The following KCND2 variants were observed in gnomAD, a reference collection of about 807,000 sequenced individuals.
KCND2 encodes potassium voltage-gated channel subfamily D member 2.
Under a neutral mutation model 54.4 loss-of-function variants are expected in KCND2, and 16 were observed. The ratio of observed to expected loss-of-function variants is 0.29; its 90% CI spans 0.20 to 0.45. The LOEUF (loss-of-function observed/expected upper bound fraction) is 0.45. KCND2 is among the 20% of genes least tolerant of loss of function. KCND2 has a pLI of 1.00. For synonymous variants in KCND2, 317 were observed against 310.7 expected (o/e 1.02, Z -0.21); for missense variants, 486 against 824.2 (o/e 0.59, Z 5.02).
chr7:120,421,338 G>A (rs924024032), intron 1 of KCND2, among the ~76,000 whole-genome samples: 2 of 152,150 alleles, frequency 1.3e-5, no homozygotes, highest in Non-Finnish European at 2.9e-5. Context: ...GAAAGGTCAG[G>A]CAATTTACCT....
At chr7:120,632,347 A>C (rs1793244003) in intron 1 of KCND2, among the ~76,000 whole-genome samples, 3 of 152,208 alleles carry the variant, frequency 2.0e-5, no homozygotes, top group African/African-American at 4.8e-5. Context: ...AACACCTTGC[A>C]TCTGAGAAAT....
intron 1 of KCND2, among the ~76,000 whole-genome samples, chr7:120,732,205 T>C (rs1369883858): frequency 6.6e-6 from 1 of 151,886 alleles, no homozygotes; most frequent in Non-Finnish European, 1.5e-5. Flanking sequence ...TACTCTAAGG[T>C]TTAGAAATCA....
intron 1 of KCND2, among the ~76,000 whole-genome samples, chr7:120,649,539 CT>C (rs1213508890): frequency 6.6e-6 from 1 of 152,158 alleles, no homozygotes; most frequent in Non-Finnish European, 1.5e-5. Flanking sequence ...TCCCATTTGT[CT>C]TTTGGCTGCA....
chr7:120,477,500 A>G (rs987037043), intron 1 of KCND2, among the ~76,000 whole-genome samples: 2 of 152,166 alleles, frequency 1.3e-5, no homozygotes, highest in Non-Finnish European at 2.9e-5. Flanking sequence ...TACAAAATCT[A>G]TTGTAAAAAA....
At chr7:120,397,993 GTGTA>G (rs1339054970) in intron 1 of KCND2, among the ~76,000 whole-genome samples, 70 of 39,970 alleles carry the variant, frequency 1.8e-3, no homozygotes, top group African/African-American at 3.1e-3. Flanking sequence ...GTGTGTGTGT[GTGTA>G]TATATATATA....
chr7:120,322,470 G>A (rs999294582), intron 1 of KCND2, among the ~76,000 whole-genome samples: 3 of 152,100 alleles, frequency 2.0e-5, no homozygotes, highest in Non-Finnish European at 4.4e-5. Context: ...TATAGCATAA[G>A]TTAAAGTTTA....
At chr7:120,726,029 G>C (rs1474581156) in intron 1 of KCND2, among the ~76,000 whole-genome samples, 1 of 152,100 alleles carries the variant, frequency 6.6e-6, no homozygotes, top group African/African-American at 2.4e-5. Flanking sequence ...AGTGGAAACA[G>C]TTTTTTTAAA....
chr7:120,673,764 A>G (rs1186938765), intron 1 of KCND2, among the ~76,000 whole-genome samples: 1 of 152,136 alleles, frequency 6.6e-6, no homozygotes, highest in East Asian at 1.9e-4. Flanking sequence ...AATGCCCTCC[A>G]TGGCCTAGTG....
intron 1 of KCND2, among the ~76,000 whole-genome samples, chr7:120,663,466 A>G (rs1791890553): frequency 6.6e-6 from 1 of 152,198 alleles, no homozygotes; most frequent in Non-Finnish European, 1.5e-5. Flanking sequence ...ATGAAACCTT[A>G]AAAACTTCAA....
chr7:120,680,890 C>CAGATATATTTAGCT (rs34012006), intron 1 of KCND2, among the ~76,000 whole-genome samples: 51,115 of 151,562 alleles, frequency 0.34, 9,775 homozygotes, highest in African/African-American at 0.5. Flanking sequence ...TTAAGCCATC[C>CAGATATATTTAGCT]AATACCCAAA....
intron 1 of KCND2, among the ~76,000 whole-genome samples, chr7:120,520,777 A>G (rs914899405): frequency 9.2e-5 from 14 of 152,220 alleles, no homozygotes; most frequent in South Asian, 4.1e-4. Flanking sequence ...AGCTAAGGTA[A>G]TCCTAGCTGT....
At chr7:120,673,392 A>G (rs1022917855) in intron 1 of KCND2, among the ~76,000 whole-genome samples, 1 of 152,094 alleles carries the variant, frequency 6.6e-6, no homozygotes, top group South Asian at 2.1e-4. Context: ...TCAAAATCTG[A>G]TTCTCTTCTT....
chr7:120,740,678 G>A (rs2116172386), intron 2 of KCND2, among the ~76,000 whole-genome samples: 1 of 152,174 alleles, frequency 6.6e-6, no homozygotes, highest in Middle Eastern at 3.4e-3. Context: ...GTAACTTAAA[G>A]GAACAATTGA....
At chr7:120,578,364 C>T (rs1178744689) in intron 1 of KCND2, among the ~76,000 whole-genome samples, 2 of 151,874 alleles carry the variant, frequency 1.3e-5, no homozygotes, top group Non-Finnish European at 2.9e-5. Context: ...GCAAAGAAAC[C>T]CCAACTTAAA....
At chr7:120,738,382 G>A (rs1792900090) in intron 2 of KCND2, among the ~76,000 whole-genome samples, 1 of 151,986 alleles carries the variant, frequency 6.6e-6, no homozygotes. Context: ...GAGAAATCCT[G>A]CTAAGATTAG....
intron 1 of KCND2, among the ~76,000 whole-genome samples, chr7:120,661,563 T>C (rs931992558): frequency 1.3e-5 from 2 of 151,350 alleles, no homozygotes; most frequent in Admixed American, 6.6e-5. Context: ...GGCACAAGAA[T>C]CACTTGAACC....
chr7:120,303,830 A>G (rs953548643), intron 1 of KCND2, among the ~76,000 whole-genome samples: 1 of 152,150 alleles, frequency 6.6e-6, no homozygotes, highest in African/African-American at 2.4e-5. Flanking sequence ...ATAACAGGAA[A>G]ATATTGAACT....
At chr7:120,308,809 TTA>T (rs1799686126) in intron 1 of KCND2, among the ~76,000 whole-genome samples, 1 of 152,170 alleles carries the variant, frequency 6.6e-6, no homozygotes. Context: ...TCTCTGAGAC[TTA>T]GTTTCTTCAC....
intron 1 of KCND2, among the ~76,000 whole-genome samples, chr7:120,732,398 G>T (rs1792819121): frequency 6.6e-6 from 1 of 152,166 alleles, no homozygotes; most frequent in African/African-American, 2.4e-5. Flanking sequence ...ATGGCCATTA[G>T]ATTTCACAAG....
Sources: allele counts gnomAD v4.1 joint callset (sites outside exome capture counted in the v4.1 genomes callset), GRCh38; gene constraint gnomAD v4.1.1; transcripts MANE v1.5; gene names NCBI Gene and HGNC (gene_info 2026-07-23, HGNC 2026-07-21).